Variants in B3GNT3 observed in about 807,000 individuals in gnomAD.
B3GNT3 encodes the protein UDP-GlcNAc:betaGal beta-1,3-N-acetylglucosaminyltransferase 3.
B3GNT3 carries 7 observed loss-of-function variants against 11.6 expected under a neutral mutation model. The ratio of observed to expected loss-of-function variants is 0.60; its 90% CI spans 0.34 to 1.13. The LOEUF (loss-of-function observed/expected upper bound fraction) is 1.13. Ranked by LOEUF, B3GNT3 falls within the 50% of genes most tolerant of loss-of-function variation. The pLI, the probability that B3GNT3 is intolerant of heterozygous loss-of-function variation, is 0.03. For missense variants in B3GNT3, 400 were observed against 507.4 expected (o/e 0.79, Z 2.03); for synonymous variants, 201 against 222.1 (o/e 0.90, Z 0.85).
At chr19:17,809,597 C>A (rs2094178034) in intron 2 of B3GNT3, among the ~76,000 whole-genome samples, 1 of 151,808 alleles carries the variant, frequency 6.6e-6, no homozygotes, top group Admixed American at 6.6e-5. Flanking sequence ...CAGGTGCATG[C>A]CACTATGCCC....
At position 17,799,317 on chromosome 19, in the gene B3GNT3, G is replaced by A. The variant is rs145606939; in HGVS notation, c.-51+4111G>A. Among the ~76,000 whole-genome samples the A allele has an allele frequency of 6.3e-3, 918 of 144,716 alleles. 11 individuals carry two copies. Among genetic ancestry groups the A allele is most frequent in the African/African-American group, 0.023 (876 of 38,368 alleles). 94.9% of individuals were successfully genotyped at this position (144,716 alleles called of 152,430 possible). ...AGATGGAGTCTCATTTACCCGGGCT[G>A]GAGTGCAGTGGCGCAATCTCGGCTC... On this transcript the variant is annotated intron_variant, in intron 1 of 2. Transcript: ENST00000318683.
At chr19:17,807,637 T>TG (rs1365239066) in intron 1 of B3GNT3, 121 bp from the exon 2 acceptor site, 2 of 638,950 alleles carry the variant, frequency 3.1e-6, no homozygotes, top group Non-Finnish European at 5.3e-6. Flanking sequence ...AGGAGTTAAG[T>TG]GGGGGGTGAA....
intron 2 of B3GNT3, among the ~76,000 whole-genome samples, chr19:17,809,095 A>G (rs1222702159): frequency 3.3e-5 from 5 of 152,052 alleles, no homozygotes; most frequent in African/African-American, 9.7e-5. Context: ...CGGCCTCCCA[A>G]AGTGCTGGGA....
intron 1 of B3GNT3, among the ~76,000 whole-genome samples, chr19:17,806,913 CTG>C (rs955898428): frequency 1.0e-4 from 15 of 144,682 alleles, no homozygotes; most frequent in African/African-American, 3.9e-4. Flanking sequence ...GATTGTGCCA[CTG>C]TATTCCAGCC....
chr19:17,799,948 C>T (rs1412564504), intron 1 of B3GNT3, among the ~76,000 whole-genome samples: 1 of 152,134 alleles, frequency 6.6e-6, no homozygotes, highest in African/African-American at 2.4e-5. Context: ...ATCCCCCGCC[C>T]CCTGTGCCAC....
At chr19:17,798,899 G>A (rs1273570722) in intron 1 of B3GNT3, among the ~76,000 whole-genome samples, 1 of 152,130 alleles carries the variant, frequency 6.6e-6, no homozygotes, top group Non-Finnish European at 1.5e-5. Flanking sequence ...GAGCCCTGGA[G>A]TTGGAGGCTG....
chr19:17,812,002 C>A lies in B3GNT3; in HGVS notation c.999C>A (p.Asp333Glu). The change falls in exon 3 of 3, where the codon GAC (aspartate) becomes GAA (glutamate). Residue 333 changes from aspartate to glutamate, a missense_variant. Coordinates refer to ENST00000318683, the MANE Select transcript of B3GNT3 (RefSeq NM_014256.4). ...RAPSQRLSSFDPCFYRDLLLV... is the reference protein window; with the variant it reads ...RAPSQRLSSFEPCFYRDLLLV... ...CATCGCAACGCCTGTCCTCCTTTGACCCCTGCTTCTACCGAGACCTGCTGC... is the reference window on the plus strand; with the variant it reads ...CATCGCAACGCCTGTCCTCCTTTGAACCCTGCTTCTACCGAGACCTGCTGC... 1 of 1,601,720 alleles carries A rather than the reference C, an allele frequency of 6.2e-7. No homozygotes were observed. Among genetic ancestry groups the A allele is most frequent in the Non-Finnish European group, 8.5e-7 (1 of 1,179,922 alleles).
At chr19:17,799,157 C>T (rs907636007) in intron 1 of B3GNT3, among the ~76,000 whole-genome samples, 2 of 152,150 alleles carry the variant, frequency 1.3e-5, no homozygotes. Context: ...TTTTGGCGGC[C>T]TCAGAATGTT....
intron 1 of B3GNT3, among the ~76,000 whole-genome samples, chr19:17,798,069 G>C (rs1228126774): frequency 6.6e-6 from 1 of 152,118 alleles, no homozygotes; most frequent in East Asian, 1.9e-4. Flanking sequence ...CCCTCTGGAA[G>C]GCTCAGTGAG....
chr19:17,808,816 G>A (rs1356319401), intron 2 of B3GNT3, among the ~76,000 whole-genome samples: 1 of 152,012 alleles, frequency 6.6e-6, no homozygotes, highest in African/African-American at 2.4e-5. Flanking sequence ...CAATGACGGG[G>A]GACACATCTC....
rs1264037583 is a variant in B3GNT3, at chr19:17,811,517, A to C, written c.568-54A>C. On this transcript the variant is annotated intron_variant, in intron 2 of 2. Transcript: ENST00000318683. The surrounding 1 kb of genome is among the most constrained non-coding windows in gnomAD (Gnocchi z 4.1). ...GGGCTGGAGTGGCTAATAGAGACCC[A>C]AGGCCAATTTCTCCAGCCCTCAAGC... 1 of 1,538,782 alleles carries C rather than the reference A, an allele frequency of 6.5e-7. No individual in the cohort carries two copies. Among genetic ancestry groups the C allele is most frequent in the Non-Finnish European group, 8.8e-7 (1 of 1,141,030 alleles).
intron 1 of B3GNT3, among the ~76,000 whole-genome samples, chr19:17,804,189 TTTC>T (rs1477485344): frequency 3.3e-5 from 5 of 151,870 alleles, no homozygotes; most frequent in Non-Finnish European, 7.4e-5. Context: ...CATTGATGAC[TTTC>T]TTCATCTTAT....
Position 17,812,410 on chromosome 19 carries a change from A to G in B3GNT3, c.*288A>G. On this transcript the variant is annotated 3_prime_UTR_variant, in exon 3 of 3. Transcript: ENST00000318683. ...GCCTGTGCTAGAGTTCCAACTGTGG[A>G]TGCATCCGTCCCGTTTGAGTCAAAG... The G allele has an allele frequency of 2.5e-6, 1 of 396,288 alleles. No homozygotes were observed. Among genetic ancestry groups the G allele is most frequent in the East Asian group, 4.8e-5 (1 of 20,834 alleles). 24.5% of individuals were successfully genotyped at this position (396,288 alleles called of 1,614,324 possible).
chr19:17,799,563 C>T (rs543351536), intron 1 of B3GNT3, among the ~76,000 whole-genome samples: 8 of 152,158 alleles, frequency 5.3e-5, no homozygotes, highest in Admixed American at 2.0e-4. Flanking sequence ...CCACCGAGCC[C>T]GGCTGACCAT....
chr19:17,812,232 G>A lies in B3GNT3; in HGVS notation c.*110G>A. 1 of 1,260,602 alleles carries A rather than the reference G, an allele frequency of 7.9e-7. No homozygotes were observed. Among genetic ancestry groups the A allele is most frequent in the South Asian group, 1.5e-5 (1 of 64,704 alleles). 78.1% of individuals were successfully genotyped at this position (1,260,602 alleles called of 1,614,324 possible). A position where few individuals can be genotyped will look rare whatever the true frequency, so the allele number is the denominator to read the frequency against. On this transcript the variant is annotated 3_prime_UTR_variant, in exon 3 of 3. Coordinates refer to ENST00000318683, the MANE Select transcript of B3GNT3 (RefSeq NM_014256.4). ...GGTCTGAGCATAAGGGAGTGCCAGG[G>A]AAGGTTTGAGGTTTGATGAGTGAAT...
chr19:17,808,557 G>T (rs1316625659), intron 2 of B3GNT3, among the ~76,000 whole-genome samples, 183 bp downstream of exon 2: 2 of 152,138 alleles, frequency 1.3e-5, no homozygotes, highest in Non-Finnish European at 2.9e-5. Context: ...AGAGGCTAGG[G>T]GGAAGGGCAG....
rs192675731 is a variant in B3GNT3 at position 17,809,620 on chromosome 19, T to G, written c.567+1246T>G. ...TGCCACTATGCCCAGCTAATTTTTT[T>G]GTACTTTTAGCAGAGATGGGGTTTC... On this transcript the variant is annotated intron_variant, in intron 2 of 2. Coordinates refer to ENST00000318683, the MANE Select transcript of B3GNT3 (RefSeq NM_014256.4). Among the ~76,000 whole-genome samples, 765 of 151,842 alleles carry G rather than the reference T, an allele frequency of 5.0e-3. 2 individuals are homozygous for G. The highest frequency in any genetic ancestry group is 0.014 in the Middle Eastern group (4 of 294).
rs1599852032 is a variant in B3GNT3, at chr19:17,812,371, C to G, written c.*249C>G. 1 of 493,314 alleles carries G rather than the reference C, an allele frequency of 2.0e-6. No individual in the cohort carries two copies. Among genetic ancestry groups the G allele is most frequent in the South Asian group, 2.8e-5 (1 of 35,930 alleles). The allele number at this position is 493,314 out of a possible 1,614,324, so 30.6% of individuals were successfully genotyped here. On this transcript the variant is annotated 3_prime_UTR_variant, in exon 3 of 3. Transcript: ENST00000318683. Reference sequence around the variant, plus strand: ...AATATCCATCTTCTTTTTGTGGCTGCTAATGGCAGAAGTGCCTGTGCTAGA... The same window carrying G: ...AATATCCATCTTCTTTTTGTGGCTGGTAATGGCAGAAGTGCCTGTGCTAGA...
At chr19:17,797,351 G>A (rs1003274461) in intron 1 of B3GNT3, among the ~76,000 whole-genome samples, 2 of 152,160 alleles carry the variant, frequency 1.3e-5, no homozygotes, top group African/African-American at 4.8e-5. Flanking sequence ...AGGTGTGGGG[G>A]TCCAGGAAGT....
Sources: allele counts gnomAD v4.1 joint callset (sites outside exome capture counted in the v4.1 genomes callset), GRCh38; gene constraint gnomAD v4.1.1; non-coding constraint Gnocchi (gnomAD v3.1); transcripts MANE v1.5; gene names NCBI Gene and HGNC (gene_info 2026-07-23, HGNC 2026-07-21).